The following VCL variants were observed in gnomAD, a reference collection of about 807,000 sequenced individuals.
VCL encodes the protein epididymis luminal protein 114.
VCL carries 47 observed loss-of-function variants against 125.7 expected under a neutral mutation model. The ratio of observed to expected loss-of-function variants is 0.37; its 90% CI spans 0.30 to 0.48. The LOEUF (loss-of-function observed/expected upper bound fraction) is 0.48, where lower values mean the gene tolerates loss of function less well. Ranked by LOEUF, VCL falls within the 20% of genes least tolerant of loss-of-function variation. VCL has a pLI of 0.99. For missense variants in VCL, 1,069 were observed against 1,455.5 expected (o/e 0.73, Z 4.32); for synonymous variants, 458 against 514.6 (o/e 0.89, Z 1.49).
chr10:74,048,761 A>G (rs1420517104), intron 2 of VCL, among the ~76,000 whole-genome samples: 2 of 152,200 alleles, frequency 1.3e-5, no homozygotes. Context: ...TGTGAGATAT[A>G]TTGCAAATAA....
At chr10:74,031,989 G>C (rs912539567) in intron 1 of VCL, among the ~76,000 whole-genome samples, 2 of 148,958 alleles carry the variant, frequency 1.3e-5, no homozygotes, top group Non-Finnish European at 1.5e-5. Flanking sequence ...ACTTGAACCT[G>C]GGAGGCAGAG....
chr10:74,055,448 G>T (rs1204662029), intron 2 of VCL, among the ~76,000 whole-genome samples: 2 of 151,814 alleles, frequency 1.3e-5, no homozygotes, highest in Non-Finnish European at 2.9e-5. Flanking sequence ...GGGCTCAGGT[G>T]ATCCTCTCAT....
At chr10:74,032,199 C>T (rs761751181) in intron 1 of VCL, among the ~76,000 whole-genome samples, 1 of 142,830 alleles carries the variant, frequency 7.0e-6, no homozygotes, top group Non-Finnish European at 1.5e-5. Flanking sequence ...GTGATCATGC[C>T]ACTGCACTCT....
chr10:74,000,427 T>C (rs1340697276), intron 1 of VCL, among the ~76,000 whole-genome samples: 3 of 151,934 alleles, frequency 2.0e-5, no homozygotes, highest in African/African-American at 7.3e-5. Context: ...TTTGTTTGTT[T>C]GTTTTTGAGA....
intron 16 of VCL, 34 bp downstream of exon 16, chr10:74,105,387 C>A (rs1347969419): frequency 2.5e-6 from 4 of 1,611,314 alleles, no homozygotes; most frequent in African/African-American, 1.3e-5. Context: ...CTCACCTCCA[C>A]TGAGAGGTTA....
At chr10:74,084,971 A>G (rs901995387) in intron 8 of VCL, among the ~76,000 whole-genome samples, 18 of 152,176 alleles carry the variant, frequency 1.2e-4, no homozygotes, top group Admixed American at 1.0e-3. Flanking sequence ...GTGCAGTGGT[A>G]TGATCATAGT....
intron 1 of VCL, among the ~76,000 whole-genome samples, chr10:74,020,192 G>C (rs1276132784): frequency 6.6e-6 from 1 of 152,186 alleles, no homozygotes; most frequent in Non-Finnish European, 1.5e-5. Context: ...CCAGTAATTG[G>C]TGGTGTCGGA....
intron 5 of VCL, among the ~76,000 whole-genome samples, chr10:74,074,045 T>C (rs928363060): frequency 2.0e-5 from 3 of 151,404 alleles, no homozygotes; most frequent in Non-Finnish European, 4.4e-5. Flanking sequence ...CTGGCCAACA[T>C]GGCAAAACCC....
At chr10:74,053,694 T>C (rs970546510) in intron 2 of VCL, among the ~76,000 whole-genome samples, 5 of 152,228 alleles carry the variant, frequency 3.3e-5, no homozygotes, top group Admixed American at 6.5e-5. Context: ...CACTGCAACC[T>C]CTCCCTCCCG....
chr10:74,103,980 G>C (rs1208403449), intron 15 of VCL, 52 bp downstream of exon 15: 2 of 1,560,418 alleles, frequency 1.3e-6, no homozygotes, highest in South Asian at 1.1e-5. Flanking sequence ...AATGAGTTCT[G>C]AGAAATTGGA....
chr10:73,998,526 C>T, intron 1 of VCL, 151 bp downstream of exon 1: 2 of 758,818 alleles, frequency 2.6e-6, no homozygotes, highest in Non-Finnish European at 3.7e-6. Context: ...GCCTCTTCTC[C>T]GCCCTGTGAC....
At position 74,112,036 on chromosome 10, in the gene VCL, C is replaced by T; in HGVS notation, c.2873C>T (p.Ser958Phe). The change falls in exon 19 of 22, where the codon TCC becomes TTC. Residue 958 changes from serine to phenylalanine, a missense_variant. This residue lies in a region of VCL where 86 missense variants were observed against 91.0 expected (regional missense o/e 0.95). Transcript: ENST00000211998. ...GAACCTGAGCTGCTGTTAATGCCATCCAATCAGCCGGTCAACCAGCCCATT... is the reference window on the plus strand; with the variant it reads ...GAACCTGAGCTGCTGTTAATGCCATTCAATCAGCCGGTCAACCAGCCCATT... ...DYEPELLLMP[S>F]NQPVNQPILA... 1 of 1,614,182 alleles carries T rather than the reference C, an allele frequency of 6.2e-7. No individual in the cohort carries two copies. The highest frequency in any genetic ancestry group is 8.5e-7 in the Non-Finnish European group (1 of 1,180,046).
At chr10:74,018,247 G>A (rs1768045896) in intron 1 of VCL, among the ~76,000 whole-genome samples, 1 of 131,726 alleles carries the variant, frequency 7.6e-6, no homozygotes, top group African/African-American at 2.7e-5. Flanking sequence ...TTTATAGAAT[G>A]GGGTTTTACC....
chr10:74,097,539 A>G lies in VCL; in HGVS notation c.1872+207A>G, dbSNP rs554060554. ...TATCTTTAGTTGCAAGCAATAGAAGACCTGACCATCAGAGATGAAAACAAC... is the reference window on the plus strand; with the variant it reads ...TATCTTTAGTTGCAAGCAATAGAAGGCCTGACCATCAGAGATGAAAACAAC... On this transcript the variant is annotated intron_variant, in intron 13 of 21. Coordinates refer to ENST00000211998, the MANE Select transcript of VCL (RefSeq NM_014000.3). This position sits in a 1 kb window ranked among gnomAD's most constrained non-coding sequence, Gnocchi z 4.1. Among the ~76,000 whole-genome samples the G allele has an allele frequency of 1.3e-5, 2 of 152,288 alleles. No homozygotes were observed. The highest frequency in any genetic ancestry group is 4.8e-5 in the African/African-American group (2 of 41,560).
chr10:74,100,890 A>G, intron 13 of VCL, 58 bp from the exon 14 acceptor site: 1 of 1,605,644 alleles, frequency 6.2e-7, no homozygotes, highest in Non-Finnish European at 8.5e-7. Context: ...ACTTTTTCTT[A>G]GGCTGCCTGA....
chr10:74,119,491 G>A lies in VCL; in HGVS notation c.*1322G>A, dbSNP rs1790122953. On this transcript the variant is annotated 3_prime_UTR_variant, in exon 22 of 22. Transcript: ENST00000211998. Reference sequence around the variant, plus strand: ...AGTATGGGGTTCAAGAGAGTAATGGGTTTCATATTTCTTATCACCACAGTA... The same window carrying A: ...AGTATGGGGTTCAAGAGAGTAATGGATTTCATATTTCTTATCACCACAGTA... 6.6e-6 allele frequency: 1 copy of A among 152,052 alleles called. No individual in the cohort carries two copies. Among genetic ancestry groups the A allele is most frequent in the South Asian group, 2.1e-4 (1 of 4,826 alleles). The allele number at this position is 152,052 out of a possible 1,614,324, so 9.4% of individuals were successfully genotyped here.
Position 74,011,430 on chromosome 10 carries a change from ACT to A in VCL, c.168+13059_168+13060del, listed in dbSNP as rs143829399. Among the ~76,000 whole-genome samples, 176 of 151,692 alleles carry A rather than the reference ACT, an allele frequency of 1.2e-3. 1 individual carries two copies. Among genetic ancestry groups the A allele is most frequent in the African/African-American group, 4.2e-3 (172 of 41,328 alleles). Reference sequence around the variant, plus strand: ...GAATTTTCTTCCCCCTCTCCTCCCTACTCTCCTAGGGTGTCTCCCTTTAGACT... The same window carrying A: ...GAATTTTCTTCCCCCTCTCCTCCCTACTCCTAGGGTGTCTCCCTTTAGACT... On this transcript the variant is annotated intron_variant, in intron 1 of 21. Coordinates refer to ENST00000211998, the MANE Select transcript of VCL (RefSeq NM_014000.3).
intron 14 of VCL, among the ~76,000 whole-genome samples, chr10:74,101,942 T>A (rs1194408130): frequency 2.0e-5 from 3 of 150,638 alleles, no homozygotes; most frequent in Non-Finnish European, 4.4e-5. Context: ...CTCAGCTCAC[T>A]GCAGCCTCCA....
intron 1 of VCL, among the ~76,000 whole-genome samples, chr10:74,039,640 G>A (rs1288209267): frequency 6.6e-6 from 1 of 151,890 alleles, no homozygotes; most frequent in East Asian, 1.9e-4. Flanking sequence ...AAAAAAATTA[G>A]CTAGGCGTGG....
Sources: gnomAD v4.1 joint callset for allele counts (sites outside exome capture counted in the v4.1 genomes callset) on GRCh38, gnomAD v4.1.1 for gene constraint, gnomAD v4.1.1 regional missense constraint, Gnocchi (gnomAD v3.1) non-coding constraint, MANE v1.5 for transcripts, NCBI Gene and HGNC (gene_info 2026-07-23, HGNC 2026-07-21) for gene names.